PGLYRP4: variants seen among roughly 807,000 people sequenced by gnomAD.
PGLYRP4 encodes peptidoglycan recognition protein 4, also known as PGRP-I-beta.
Under a neutral mutation model 41.2 loss-of-function variants are expected in PGLYRP4, and 39 were observed. That is an observed-to-expected ratio of 0.95 (90% CI 0.73 to 1.24). The LOEUF is 1.24. Among genes scored for constraint, PGLYRP4 ranks in the 50% most tolerant of loss-of-function variants. The pLI is 0.00. For missense variants in PGLYRP4, 467 were observed against 460.7 expected (o/e 1.01, Z -0.13); for synonymous variants, 202 against 186.8 (o/e 1.08, Z -0.66).
At chr1:153,341,864 C>T (rs1660817998) in intron 5 of PGLYRP4, 85 bp from the exon 6 acceptor site, 2 of 1,331,598 alleles carry the variant, frequency 1.5e-6, no homozygotes, top group Non-Finnish European at 2.1e-6. Flanking sequence ...CTCTGCCAGC[C>T]CCTGCACAGC....
At chr1:153,341,125 T>G (rs1557828273) in intron 6 of PGLYRP4, among the ~76,000 whole-genome samples, 1 of 152,150 alleles carries the variant, frequency 6.6e-6, no homozygotes, top group Non-Finnish European at 1.5e-5. Flanking sequence ...AAATGTGTGT[T>G]TGTGTGTGTT....
chr1:153,334,482 A>T (rs1422603678), intron 8 of PGLYRP4, among the ~76,000 whole-genome samples: 4 of 134,558 alleles, frequency 3.0e-5, no homozygotes, highest in Non-Finnish European at 4.9e-5. Context: ...ATATATTTAT[A>T]TATATATACA....
intron 7 of PGLYRP4, among the ~76,000 whole-genome samples, chr1:153,338,144 T>G (rs1192473406): frequency 1.3e-5 from 2 of 152,196 alleles, no homozygotes; most frequent in Non-Finnish European, 2.9e-5. Context: ...ATCCCCATCT[T>G]GGTGAAAGGC....
At chr1:153,348,327 G>A (rs143360927) in intron 1 of PGLYRP4, among the ~76,000 whole-genome samples, 2 of 152,268 alleles carry the variant, frequency 1.3e-5, no homozygotes, top group African/African-American at 4.8e-5. Flanking sequence ...TGGTACAACC[G>A]AGAAATCCAG....
At chr1:153,342,010 C>T (rs1660824202) in intron 5 of PGLYRP4, among the ~76,000 whole-genome samples, 1 of 152,172 alleles carries the variant, frequency 6.6e-6, no homozygotes, top group African/African-American at 2.4e-5. Context: ...AACTTCACCT[C>T]CTCTCTCCAT....
chr1:153,332,779 G>A (rs1214610275), intron 8 of PGLYRP4, among the ~76,000 whole-genome samples: 1 of 152,032 alleles, frequency 6.6e-6, no homozygotes, highest in Non-Finnish European at 1.5e-5. Context: ...CTCCTGAATG[G>A]TCATTGGGTC....
intron 4 of PGLYRP4, among the ~76,000 whole-genome samples, chr1:153,344,151 G>A (rs532131540): frequency 6.6e-6 from 1 of 152,336 alleles, no homozygotes; most frequent in South Asian, 2.1e-4. Flanking sequence ...CTCTTAGTCT[G>A]TAAGAGAGTA....
chr1:153,346,065 C>T (rs780260741), intron 3 of PGLYRP4, 37 bp downstream of exon 3: 14 of 1,458,428 alleles, frequency 9.6e-6, no homozygotes, highest in South Asian at 2.3e-5. Flanking sequence ...AACCCCAGCT[C>T]GTCCCAAAAC....
chr1:153,330,998 T>C, intron 8 of PGLYRP4, 53 bp from the exon 9 acceptor site: 2 of 1,486,414 alleles, frequency 1.3e-6, no homozygotes, highest in East Asian at 2.3e-5. Flanking sequence ...CCCTGCAAAA[T>C]AGAACATATC....
chr1:153,335,313 C>A (rs914711420), intron 8 of PGLYRP4, among the ~76,000 whole-genome samples: 2 of 152,000 alleles, frequency 1.3e-5, no homozygotes, highest in African/African-American at 4.8e-5. Context: ...AGAGCTAATA[C>A]CCGGAATCTA....
rs373816148 is a variant in PGLYRP4, at chr1:153,340,392, G to A, written c.813C>T (p.Asp271=). The change falls in exon 7 of 9, where the codon GAC becomes GAT. Residue 271 remains aspartate, a synonymous_variant. Transcript: ENST00000359650. ...SFYIDRLKSC[D]IGYNFLVGQD... is the part of the protein sequence containing the mutation. ...CCAGACCCACTCACTTATAACCAAT[G>A]TCGCATGACTTGAGCCTGTCTATGT... 5.0e-6 allele frequency: 8 copies of A among 1,614,070 alleles called. No homozygotes were observed. The South Asian group carries it at 8.8e-5, about 18-fold the overall frequency.
chr1:153,343,134 T>A lies in PGLYRP4; in HGVS notation c.428A>T (p.Tyr143Phe), dbSNP rs777637280. ...GGCAAAGCCCAGGGAGATGTTGTTG[T>A]AGCCTTGGGTGTGCACTCCTTGGAT... Reference protein sequence around the residue: ...WNIQGVHTQGYNNISLGFAFF... With the variant: ...WNIQGVHTQGFNNISLGFAFF... The change falls in exon 5 of 9, where the codon TAC becomes TTC. Residue 143 changes from tyrosine (Y) to phenylalanine (F), a missense_variant. Coordinates refer to ENST00000359650, the MANE Select transcript of PGLYRP4 (RefSeq NM_020393.4). 1.4e-5 allele frequency: 23 copies of A among 1,613,742 alleles called. 1 individual carries two copies. In the South Asian group the frequency reaches 2.5e-4, roughly 18 times the overall value.
rs1413172995 is a variant in PGLYRP4, at chr1:153,331,093, CTT to C, written c.944-150_944-149del. On this transcript the variant is annotated intron_variant, in intron 8 of 8. Transcript: ENST00000359650. ...ACAGGCAAAAAAAACAAGGTCAAGACTTCAGATTTCTTAGTGCCAAAGTTTTC... is the reference window on the plus strand; with the variant it reads ...ACAGGCAAAAAAAACAAGGTCAAGACCAGATTTCTTAGTGCCAAAGTTTTC... 12 of 553,000 alleles carry C rather than the reference CTT, an allele frequency of 2.2e-5. 1 individual carries two copies. Among genetic ancestry groups the C allele is most frequent in the Middle Eastern group, 3.2e-4 (1 of 3,112 alleles). 34.3% of individuals were successfully genotyped at this position (553,000 alleles called of 1,614,324 possible). A position where few individuals can be genotyped will look rare whatever the true frequency, so the allele number is the denominator to read the frequency against.
At chr1:153,345,786 T>TC (rs1230397982) in intron 3 of PGLYRP4, among the ~76,000 whole-genome samples, 18 of 151,966 alleles carry the variant, frequency 1.2e-4, no homozygotes, top group Admixed American at 2.0e-4. Context: ...CTGCATCTTC[T>TC]CCCCCCAGCA....
intron 5 of PGLYRP4, among the ~76,000 whole-genome samples, chr1:153,342,400 C>T (rs975819756): frequency 2.6e-5 from 4 of 152,202 alleles, no homozygotes; most frequent in Non-Finnish European, 5.9e-5. Context: ...TCATCGACCT[C>T]TCTGAAACCC....
At chr1:153,340,333 T>G in intron 7 of PGLYRP4, 48 bp downstream of exon 7, 1 of 1,547,478 alleles carries the variant, frequency 6.5e-7, no homozygotes, top group Non-Finnish European at 8.9e-7. Context: ...AAAGGCTCAG[T>G]TTCTGCCCCC....
At chr1:153,332,988 A>G (rs1373520521) in intron 8 of PGLYRP4, among the ~76,000 whole-genome samples, 1 of 151,770 alleles carries the variant, frequency 6.6e-6, no homozygotes, top group East Asian at 1.9e-4. Flanking sequence ...AATCTAGAAC[A>G]AAAAAAACCC....
chr1:153,340,373 C>T lies in PGLYRP4; in HGVS notation c.824+8G>A. ...GAAAAGAAGCCCAGTGTACCCAGAC[C>T]CACTCACTTATAACCAATGTCGCAT... is the stretch of plus-strand genomic sequence containing the variant. On this transcript the variant is annotated splice_region_variant and intron_variant, in intron 7 of 8. Transcript: ENST00000359650. 1.2e-6 allele frequency: 2 copies of T among 1,613,144 alleles called. No homozygotes were observed. The highest frequency in any genetic ancestry group is 3.3e-4 in the Middle Eastern group (2 of 6,060).
At chr1:153,337,160 C>G in intron 8 of PGLYRP4, 21 bp downstream of exon 8, 1 of 1,481,424 alleles carries the variant, frequency 6.8e-7, no homozygotes, top group Non-Finnish European at 9.4e-7. Flanking sequence ...AATGACCCTA[C>G]TGACCAAAGC....
Sources: allele counts gnomAD v4.1 joint callset (sites outside exome capture counted in the v4.1 genomes callset), GRCh38; gene constraint gnomAD v4.1.1; transcripts MANE v1.5; gene names NCBI Gene and HGNC (gene_info 2026-07-23, HGNC 2026-07-21).